INCA1: variants seen among roughly 807,000 people sequenced by gnomAD.
The protein encoded by INCA1 is protein INCA1.
INCA1 carries 28 observed loss-of-function variants against 25.7 expected under a neutral mutation model. That is an observed-to-expected ratio of 1.09 (90% CI 0.81 to 1.49). The LOEUF (loss-of-function observed/expected upper bound fraction) is 1.49, where lower values mean the gene tolerates loss of function less well. Among genes scored for constraint, INCA1 ranks in the 40% most tolerant of loss-of-function variants. INCA1 has a pLI of 0.00. For missense variants in INCA1, 309 were observed against 290.9 expected (o/e 1.06, Z -0.45); for synonymous variants, 111 against 103.6 (o/e 1.07, Z -0.43).
At chr17:4,990,179 A>T in exon 3 of INCA1, 1 of 1,614,182 alleles carries the variant, frequency 6.2e-7, no homozygotes, top group South Asian at 1.1e-5. Flanking sequence ...GTTCTTCCAG[A>T]AGACATCTCC....
At chr17:4,996,732 G>T (rs1477639058) in intron 1 of INCA1, 2 of 148,288 alleles carry the variant, frequency 1.3e-5, no homozygotes, top group South Asian at 2.1e-4. Flanking sequence ...ATAGGCTCCC[G>T]AAGGACAGAA....
exon 3 of INCA1, chr17:4,990,177 A>G (rs1973769196): frequency 6.2e-7 from 1 of 1,614,206 alleles, no homozygotes; most frequent in African/African-American, 1.3e-5. Context: ...AGGTTCTTCC[A>G]GAAGACATCT....
intron 3 of INCA1, 81 bp downstream of exon 3, chr17:4,990,071 G>C: frequency 6.2e-7 from 1 of 1,610,448 alleles, no homozygotes; most frequent in Non-Finnish European, 8.5e-7. Flanking sequence ...CGCAGACTAG[G>C]GCCTATTGCT....
chr17:4,995,633 T>A (rs1349256202), intron 1 of INCA1, among the ~76,000 whole-genome samples: 4 of 147,230 alleles, frequency 2.7e-5, no homozygotes, highest in South Asian at 2.1e-4. Flanking sequence ...CATCTCTATT[T>A]AAAAAAAAAA....
rs753963123 is a variant in INCA1 at position 4,990,271 on chromosome 17, G to A, written c.45-6C>T. 30 of 1,612,000 alleles carry A rather than the reference G, an allele frequency of 1.9e-5. No individual in the cohort carries two copies. In the East Asian group the frequency reaches 6.7e-4, roughly 36 times the overall value. On this transcript the variant is annotated splice_polypyrimidine_tract_variant and splice_region_variant and intron_variant, in intron 2 of 6. Coordinates refer to ENST00000576820, the Ensembl canonical transcript of INCA1. ...GGCTGACCACCCTGGAACACCTGAG[G>A]TGAGGACAAGGTAGGCTCGGGTCTG...
At chr17:4,988,881 C>G (rs74744272) in exon 6 of INCA1, 178,983 of 1,614,070 alleles carry the variant, frequency 0.11, 10,856 homozygotes, top group Non-Finnish European at 0.12. Context: ...ATCCACAGCC[C>G]TCTTCGCCAA....
chr17:4,989,427 C>T lies in INCA1; in HGVS notation c.395+1G>A, dbSNP rs1162913463. 2 of 1,611,026 alleles carry T rather than the reference C, an allele frequency of 1.2e-6. No homozygotes were observed. The highest frequency in any genetic ancestry group is 1.7e-5 in the Admixed American group (1 of 59,750). On this transcript the variant is annotated splice_donor_variant, in intron 5 of 6. Coordinates refer to ENST00000576820, the Ensembl canonical transcript of INCA1. LOFTEE classifies it high-confidence loss of function. ...AGAACCCAGATGTCTCCCTTCCTTACTCGTTGATGATGCTCTGACGCCTTC... is the reference window on the plus strand; with the variant it reads ...AGAACCCAGATGTCTCCCTTCCTTATTCGTTGATGATGCTCTGACGCCTTC...
At chr17:4,989,278 A>G in intron 5 of INCA1, 150 bp downstream of exon 5, 3 of 750,470 alleles carry the variant, frequency 4.0e-6, no homozygotes, top group Non-Finnish European at 6.6e-6. Flanking sequence ...TGTTTCAATC[A>G]CACCAAAGCC....
chr17:4,992,178 C>T (rs1597811959), intron 2 of INCA1, among the ~76,000 whole-genome samples: 1 of 152,126 alleles, frequency 6.6e-6, no homozygotes, highest in Non-Finnish European at 1.5e-5. Context: ...ATTTTCTCTA[C>T]TGTGTTTGTT....
At chr17:4,989,091 C>G in intron 5 of INCA1, 147 bp from the exon 6 acceptor site, 1 of 913,894 alleles carries the variant, frequency 1.1e-6, no homozygotes, top group African/African-American at 1.7e-5. Context: ...CAATTTTCTG[C>G]TCCCCTCAGA....
At chr17:4,996,852 G>C (rs1974322206) in intron 1 of INCA1, 1 of 152,896 alleles carries the variant, frequency 6.5e-6, no homozygotes, top group African/African-American at 2.4e-5. Context: ...GTGCGGAAGC[G>C]GCAGATGGGG....
intron 3 of INCA1, 102 bp downstream of exon 3, chr17:4,990,050 G>A (rs1483399157): frequency 6.8e-6 from 11 of 1,611,804 alleles, no homozygotes; most frequent in Non-Finnish European, 9.3e-6. Flanking sequence ...ACCAGCCAGT[G>A]GGAAATTAAC....
chr17:4,989,475 G>A (rs1206603009), exon 5 of INCA1: 1 of 1,614,042 alleles, frequency 6.2e-7, no homozygotes, highest in Non-Finnish European at 8.5e-7. Flanking sequence ...GGTGGTAAGT[G>A]ACAGCCCTCA....
In INCA1 at chr17:4,996,653, C is replaced by T. The variant is rs1162150763; in HGVS notation, c.-39+350G>A. Among the ~76,000 whole-genome samples, 6 of 100,962 alleles carry T rather than the reference C, an allele frequency of 5.9e-5. No homozygotes were observed. In the Admixed American group the frequency reaches 9.4e-4, roughly 16 times the overall value. 66.2% of individuals were successfully genotyped at this position (100,962 alleles called of 152,430 possible). On this transcript the variant is annotated intron_variant, in intron 1 of 6. Coordinates refer to ENST00000576820, the Ensembl canonical transcript of INCA1. The stretch of plus-strand genomic sequence containing the variant: ...GCCGAGGTCAGCCTGGGCAACAGAG[C>T]AAGACTCCGTCTCAAAAAAAAAAAA...
intron 4 of INCA1, 49 bp downstream of exon 4, chr17:4,989,841 G>A (rs746235498): frequency 2.5e-6 from 4 of 1,613,710 alleles, no homozygotes; most frequent in South Asian, 2.2e-5. Context: ...GGACAGCAGT[G>A]GGTGCAATTT....
intron 5 of INCA1, 53 bp from the exon 6 acceptor site, chr17:4,988,997 C>T: frequency 4.5e-6 from 7 of 1,542,404 alleles, no homozygotes; most frequent in Middle Eastern, 2.0e-4. Context: ...GGCTTCCTGT[C>T]TCTCCATTCT....
At chr17:4,988,758 C>G in intron 6 of INCA1, 21 bp downstream of exon 6, 1 of 1,613,884 alleles carries the variant, frequency 6.2e-7, no homozygotes. Context: ...CTCACTCCAC[C>G]CAGTTCCACT....
intron 1 of INCA1, 113 bp from the exon 2 acceptor site, chr17:4,994,588 A>C (rs1974104494): frequency 1.4e-6 from 1 of 701,108 alleles, no homozygotes; most frequent in Non-Finnish European, 2.5e-6. Context: ...TCAGGAGTTC[A>C]AGACCAGCCT....
At chr17:4,997,123 T>TGAGG (rs1380184986), upstream of INCA1, 1 of 152,542 alleles carries the variant, frequency 6.6e-6, no homozygotes, top group Non-Finnish European at 1.5e-5. Flanking sequence ...CGGCTGGGGC[T>TGAGG]GAGGGGCTGC....
Sources: allele counts gnomAD v4.1 joint callset (sites outside exome capture counted in the v4.1 genomes callset), GRCh38; gene constraint gnomAD v4.1.1; transcripts MANE v1.5; gene names NCBI Gene and HGNC (gene_info 2026-07-23, HGNC 2026-07-21).